Variants in DCTN5 observed in about 807,000 individuals in gnomAD.
The protein encoded by DCTN5 is dynactin 4.
A neutral mutation model predicts 23.5 loss-of-function variants in DCTN5; 14 were observed. That is an observed-to-expected ratio of 0.60 (90% CI 0.39 to 0.93). The LOEUF is 0.93. Among genes scored for constraint, DCTN5 ranks in the 40% least tolerant of loss-of-function variants. The pLI is 0.00. For missense variants in DCTN5, 156 were observed against 225.9 expected (o/e 0.69, Z 1.98); for synonymous variants, 67 against 79.6 (o/e 0.84, Z 0.84).
chr16:23,656,978 A>G (rs1197916264), intron 2 of DCTN5, among the ~76,000 whole-genome samples: 1 of 150,662 alleles, frequency 6.6e-6, no homozygotes, highest in Non-Finnish European at 1.5e-5. Context: ...TGACAGAGCA[A>G]GACTCCATCT....
chr16:23,655,994 T>G (rs1967697558), intron 2 of DCTN5, among the ~76,000 whole-genome samples: 1 of 152,158 alleles, frequency 6.6e-6, no homozygotes, highest in Non-Finnish European at 1.5e-5. Flanking sequence ...GAGGCTGAAG[T>G]AAGAGAATTA....
chr16:23,654,491 G>C (rs945129489), intron 2 of DCTN5, among the ~76,000 whole-genome samples: 1 of 152,056 alleles, frequency 6.6e-6, no homozygotes, highest in East Asian at 1.9e-4. Flanking sequence ...GGAAAGGATC[G>C]GGAAAAATAA....
Position 23,671,535 on chromosome 16 carries a change from T to C in DCTN5, c.*4391T>C, listed in dbSNP as rs1471549959. On this transcript the variant is annotated 3_prime_UTR_variant, in exon 6 of 6. Transcript: ENST00000300087. ...AAAAAAGTGAGAGTTTCACAGCCTG[T>C]TTTACAGCAGAGGAAACTGATATTC... The C allele has an allele frequency of 2.0e-5, 3 of 152,318 alleles. No homozygotes were observed. In the East Asian group the frequency reaches 5.8e-4, roughly 29 times the overall value. The allele number at this position is 152,318 out of a possible 1,614,324, so 9.4% of individuals were successfully genotyped here.
At chr16:23,650,429 T>A (rs1321319393) in intron 2 of DCTN5, among the ~76,000 whole-genome samples, 2 of 151,884 alleles carry the variant, frequency 1.3e-5, no homozygotes, top group Non-Finnish European at 2.9e-5. Flanking sequence ...GCGATTCTCC[T>A]GCCTCCCTCC....
rs1451752895 is a variant in DCTN5 at position 23,668,619 on chromosome 16, A to G, written c.*1475A>G. On this transcript the variant is annotated 3_prime_UTR_variant, in exon 6 of 6. Coordinates refer to ENST00000300087, the MANE Select transcript of DCTN5 (RefSeq NM_032486.4). Reference sequence around the variant, plus strand: ...ACTTGGGCAGCCAAAACTCTGAGGAAGGAGATTCTGCTAGTAAAAAGGAGT... The same window carrying G: ...ACTTGGGCAGCCAAAACTCTGAGGAGGGAGATTCTGCTAGTAAAAAGGAGT... The G allele has an allele frequency of 6.6e-6, 1 of 152,218 alleles. No individual in the cohort carries two copies. Among genetic ancestry groups the G allele is most frequent in the Admixed American group, 6.5e-5 (1 of 15,282 alleles). The allele number at this position is 152,218 out of a possible 1,614,324, so 9.4% of individuals were successfully genotyped here. A position where few individuals can be genotyped will look rare whatever the true frequency, so the allele number is the denominator to read the frequency against.
chr16:23,645,124 TATATATA>T lies in DCTN5; in HGVS notation c.117+2102_117+2108del, dbSNP rs1967419858. 4.3e-4 allele frequency among the ~76,000 whole-genome samples: 17 copies of T among 39,944 alleles called. 2 individuals carry two copies. The highest frequency in any genetic ancestry group is 2.7e-3 in the East Asian group (4 of 1,482). The allele number at this position is 39,944 out of a possible 152,430, so 26.2% of individuals were successfully genotyped here. A position where few individuals can be genotyped will look rare whatever the true frequency, so the allele number is the denominator to read the frequency against. The stretch of plus-strand genomic sequence containing the variant: ...ATATATATATATATATATATATATA[TATATATA>T]TATATATTTTTTTTTTTTTTAATAC... On this transcript the variant is annotated intron_variant, in intron 2 of 5. Transcript: ENST00000300087.
rs1967415534 is a variant in DCTN5, at chr16:23,645,118, T to C, written c.117+2095T>C. On this transcript the variant is annotated intron_variant, in intron 2 of 5. Coordinates refer to ENST00000300087, the MANE Select transcript of DCTN5 (RefSeq NM_032486.4). ...ATATATATATATATATATATATATA[T>C]ATATATATATATATATATATTTTTT... 7.1e-5 allele frequency among the ~76,000 whole-genome samples: 3 copies of C among 42,506 alleles called. No homozygotes were observed. The South Asian group carries it at 2.5e-3, about 35-fold the overall frequency. The allele number at this position is 42,506 out of a possible 152,430, so 27.9% of individuals were successfully genotyped here.
Position 23,650,795 on chromosome 16 carries a change from T to A in DCTN5, c.118-7712T>A, listed in dbSNP as rs545312335. On this transcript the variant is annotated intron_variant, in intron 2 of 5. Coordinates refer to ENST00000300087, the MANE Select transcript of DCTN5 (RefSeq NM_032486.4). Reference sequence around the variant, plus strand: ...TGTTTTCCTGAGCCCATATATCAGATGTCACAGTGCCTGCAGGGATAGAAA... The same window carrying A: ...TGTTTTCCTGAGCCCATATATCAGAAGTCACAGTGCCTGCAGGGATAGAAA... The A allele has an allele frequency of 3.6e-4, 559 of 1,531,712 alleles. 1 individual carries two copies. Among genetic ancestry groups the A allele is most frequent in the Non-Finnish European group, 4.8e-4 (544 of 1,143,336 alleles). 94.9% of individuals were successfully genotyped at this position (1,531,712 alleles called of 1,614,324 possible). A position where few individuals can be genotyped will look rare whatever the true frequency, so the allele number is the denominator to read the frequency against.
At chr16:23,650,704 G>GT (rs1967585193) in intron 2 of DCTN5, 1 of 1,493,754 alleles carries the variant, frequency 6.7e-7, no homozygotes, top group Non-Finnish European at 9.0e-7. Flanking sequence ...TTTGTTTCTA[G>GT]TTTTTTGCTG....
At chr16:23,649,040 A>G (rs958940314) in intron 2 of DCTN5, among the ~76,000 whole-genome samples, 3 of 151,950 alleles carry the variant, frequency 2.0e-5, no homozygotes, top group Admixed American at 6.6e-5. Context: ...TTGTATTTTT[A>G]GTAGAGACGA....
chr16:23,662,715 T>G (rs1967836767), intron 4 of DCTN5, among the ~76,000 whole-genome samples: 3 of 152,198 alleles, frequency 2.0e-5, no homozygotes, highest in Non-Finnish European at 4.4e-5. Context: ...GTTAGTAAAG[T>G]TCATCTCTCC....
At chr16:23,661,337 C>T in intron 4 of DCTN5, 56 bp downstream of exon 4, 2 of 1,273,604 alleles carry the variant, frequency 1.6e-6, no homozygotes, top group Non-Finnish European at 2.3e-6. Context: ...AGCTCCCATC[C>T]CTCACTTCGG....
rs1968043214 is a variant in DCTN5 at position 23,673,389 on chromosome 16, G to A, written c.*6245G>A. 1 of 152,174 alleles carries A rather than the reference G, an allele frequency of 6.6e-6. No homozygotes were observed. The highest frequency in any genetic ancestry group is 1.5e-5 in the Non-Finnish European group (1 of 68,040). 9.4% of individuals were successfully genotyped at this position (152,174 alleles called of 1,614,324 possible). ...CCCTAAGTGCTGGGATTACAGTCAT[G>A]AGCCACTGTGCCCCGCCATTTTTTA... is the stretch of plus-strand genomic sequence containing the variant. On this transcript the variant is annotated 3_prime_UTR_variant, in exon 6 of 6. Coordinates refer to ENST00000300087, the MANE Select transcript of DCTN5 (RefSeq NM_032486.4).
In DCTN5 at chr16:23,672,127, G is replaced by A. The variant is rs1968017044; in HGVS notation, c.*4983G>A. The A allele has an allele frequency of 6.6e-6, 1 of 152,186 alleles. No homozygotes were observed. Among genetic ancestry groups the A allele is most frequent in the South Asian group, 2.1e-4 (1 of 4,824 alleles). The allele number at this position is 152,186 out of a possible 1,614,324, so 9.4% of individuals were successfully genotyped here. A position where few individuals can be genotyped will look rare whatever the true frequency, so the allele number is the denominator to read the frequency against. On this transcript the variant is annotated 3_prime_UTR_variant, in exon 6 of 6. Coordinates refer to ENST00000300087, the MANE Select transcript of DCTN5 (RefSeq NM_032486.4). Reference sequence around the variant, plus strand: ...GAAGAGTAGGGTCAGAGGAGTCTGGGAGAATGAGGAAATATGAGAGCCCCA... The same window carrying A: ...GAAGAGTAGGGTCAGAGGAGTCTGGAAGAATGAGGAAATATGAGAGCCCCA...
chr16:23,647,896 TAAATC>T (rs1419353088), intron 2 of DCTN5, among the ~76,000 whole-genome samples: 1 of 152,194 alleles, frequency 6.6e-6, no homozygotes, highest in Non-Finnish European at 1.5e-5. Context: ...AGCATAAAAT[TAAATC>T]AACACCAGTG....
chr16:23,661,794 G>A (rs746981874), intron 4 of DCTN5, among the ~76,000 whole-genome samples: 10 of 152,002 alleles, frequency 6.6e-5, no homozygotes, highest in East Asian at 3.9e-4. Context: ...ACGGGCAAGC[G>A]TTTATCAAGT....
At chr16:23,644,466 A>G (rs1401362742) in intron 2 of DCTN5, among the ~76,000 whole-genome samples, 3 of 151,210 alleles carry the variant, frequency 2.0e-5, no homozygotes, top group Admixed American at 2.0e-4. Flanking sequence ...ATGCCCAGCT[A>G]ATTTTTTGTA....
intron 3 of DCTN5, among the ~76,000 whole-genome samples, chr16:23,660,009 A>G (rs968495523): frequency 2.0e-5 from 3 of 152,226 alleles, no homozygotes; most frequent in African/African-American, 7.2e-5. Context: ...ATGAAAGTGT[A>G]AATAGCAAAA....
intron 2 of DCTN5, among the ~76,000 whole-genome samples, chr16:23,648,964 TCTC>T (rs1344059593): frequency 1.3e-5 from 2 of 152,032 alleles, no homozygotes; most frequent in South Asian, 2.1e-4. Context: ...TTCAAGCAAT[TCTC>T]CTGTCTCAGC....
Sources: gnomAD v4.1 joint callset for allele counts (sites outside exome capture counted in the v4.1 genomes callset) on GRCh38, gnomAD v4.1.1 for gene constraint, MANE v1.5 for transcripts, NCBI Gene and HGNC (gene_info 2026-07-23, HGNC 2026-07-21) for gene names.